The following VSTM5 variants were observed in gnomAD, a reference collection of about 807,000 sequenced individuals.
VSTM5 encodes the protein V-set and transmembrane domain-containing protein 5.
A neutral mutation model predicts 20.3 loss-of-function variants in VSTM5; 21 were observed. The ratio of observed to expected loss-of-function variants is 1.03; its 90% CI spans 0.73 to 1.49. VSTM5 has a LOEUF of 1.49. VSTM5 is among the 40% of genes most tolerant of loss of function. The pLI, the probability that VSTM5 is intolerant of heterozygous loss-of-function variation, is 0.00. For missense variants in VSTM5, 219 were observed against 250.0 expected, an observed-to-expected ratio of 0.88 and a Z score of 0.84; for synonymous variants, 100 against 102.5, an observed-to-expected ratio of 0.98 and a Z score of 0.14.
Position 93,820,333 on chromosome 11 carries a change from G to A in VSTM5, c.*236C>T, listed in dbSNP as rs1296838348. 1.9e-6 allele frequency: 1 copy of A among 540,064 alleles called. No homozygotes were observed. Among genetic ancestry groups the A allele is most frequent in the African/African-American group, 1.9e-5 (1 of 52,478 alleles). 33.5% of individuals were successfully genotyped at this position (540,064 alleles called of 1,614,324 possible). A position where few individuals can be genotyped will look rare whatever the true frequency, so the allele number is the denominator to read the frequency against. Reference sequence around the variant, plus strand: ...GGCCCTGATGCTGCAGCCAAGCGAAGCTCCTGGTTCAAAGCCTCAATCACT... The same window carrying A: ...GGCCCTGATGCTGCAGCCAAGCGAAACTCCTGGTTCAAAGCCTCAATCACT... On this transcript the variant is annotated 3_prime_UTR_variant, in exon 4 of 4. Transcript: ENST00000409977.
chr11:93,848,866 T>A (rs1352013331), intron 1 of VSTM5, among the ~76,000 whole-genome samples: 2 of 152,100 alleles, frequency 1.3e-5, no homozygotes, highest in African/African-American at 4.8e-5. Context: ...TGAACAGATG[T>A]GTAAGTATGG....
intron 1 of VSTM5, among the ~76,000 whole-genome samples, chr11:93,846,924 G>A (rs1944416745): frequency 2.0e-5 from 3 of 151,606 alleles, no homozygotes; most frequent in Admixed American, 1.3e-4. Flanking sequence ...CTGCCACCAC[G>A]CCCGGCTAAT....
Position 93,820,505 on chromosome 11 carries a change from C to T in VSTM5, c.*64G>A, listed in dbSNP as rs1944171186. 7.8e-6 allele frequency: 12 copies of T among 1,532,290 alleles called. No individual in the cohort carries two copies. In the South Asian group the frequency reaches 1.4e-4, roughly 18 times the overall value. 94.9% of individuals were successfully genotyped at this position (1,532,290 alleles called of 1,614,324 possible). On this transcript the variant is annotated 3_prime_UTR_variant, in exon 4 of 4. Transcript: ENST00000409977. ...ACACACAATGGGTATAATAGCTGTG[C>T]TTGCTCTTTTTGTTGGAGAATGGTT... is the stretch of plus-strand genomic sequence containing the variant.
At chr11:93,840,219 T>C (rs1172329604) in intron 1 of VSTM5, among the ~76,000 whole-genome samples, 2 of 152,256 alleles carry the variant, frequency 1.3e-5, no homozygotes, top group African/African-American at 4.8e-5. Context: ...AGTTTTCTGA[T>C]TGAAAAGGAC....
At chr11:93,825,590 T>C (rs886367384) in intron 1 of VSTM5, among the ~76,000 whole-genome samples, 3 of 152,198 alleles carry the variant, frequency 2.0e-5, no homozygotes, top group Non-Finnish European at 4.4e-5. Context: ...TCCACGAACA[T>C]AGGGTATCTT....
At chr11:93,844,747 C>T (rs531267571) in intron 1 of VSTM5, among the ~76,000 whole-genome samples, 4 of 152,310 alleles carry the variant, frequency 2.6e-5, no homozygotes, top group Admixed American at 6.5e-5. Context: ...CATTCCAAAC[C>T]GAGCTAACTG....
Position 93,850,524 on chromosome 11 carries a change from G to A in VSTM5, c.-22C>T. The A allele has an allele frequency of 1.3e-6, 2 of 1,541,044 alleles. No individual in the cohort carries two copies. The highest frequency in any genetic ancestry group is 1.8e-6 in the Non-Finnish European group (2 of 1,140,576). On this transcript the variant is annotated 5_prime_UTR_variant, in exon 1 of 4. Coordinates refer to ENST00000409977, the MANE Select transcript of VSTM5 (RefSeq NM_001144871.2). Reference sequence around the variant, plus strand: ...TCATGGGCGAGCCCGGGGCCTCGCGGGCCGGGGTGTGTGCTGGCCGCACCG... The same window carrying A: ...TCATGGGCGAGCCCGGGGCCTCGCGAGCCGGGGTGTGTGCTGGCCGCACCG...
At chr11:93,838,883 T>A (rs766789290) in intron 1 of VSTM5, among the ~76,000 whole-genome samples, 1 of 152,214 alleles carries the variant, frequency 6.6e-6, no homozygotes, top group Non-Finnish European at 1.5e-5. Context: ...CAAGCCCTGA[T>A]TCCAGACCAA....
At chr11:93,829,443 G>A (rs1249782887) in intron 1 of VSTM5, among the ~76,000 whole-genome samples, 4 of 152,158 alleles carry the variant, frequency 2.6e-5, no homozygotes, top group South Asian at 2.1e-4. Context: ...CACGAGAATC[G>A]CTTGAACCTG....
At chr11:93,827,618 G>A (rs1944249630) in intron 1 of VSTM5, 1 of 152,016 alleles carries the variant, frequency 6.6e-6, no homozygotes, top group Admixed American at 6.6e-5. Flanking sequence ...TTATAAAATG[G>A]ATGGGCTGGT....
rs1425207746 is a variant in VSTM5 at position 93,820,616 on chromosome 11, TAAAGC to T, written c.560-9_560-5del. Reference sequence around the variant, plus strand: ...TCAATCTCCTCAGTTGTGCTTTCTGTAAAGCAAAGACAAGTCAATGAGTTGGAAAT... The same window carrying T: ...TCAATCTCCTCAGTTGTGCTTTCTGTAAAGACAAGTCAATGAGTTGGAAAT... On this transcript the variant is annotated splice_polypyrimidine_tract_variant and splice_region_variant and intron_variant, in intron 3 of 3. Coordinates refer to ENST00000409977, the MANE Select transcript of VSTM5 (RefSeq NM_001144871.2). 2 of 1,551,702 alleles carry T rather than the reference TAAAGC, an allele frequency of 1.3e-6. No homozygotes were observed. Among genetic ancestry groups the T allele is most frequent in the East Asian group, 4.9e-5 (2 of 40,938 alleles).
At chr11:93,830,836 C>T in intron 1 of VSTM5, among the ~76,000 whole-genome samples, 1 of 151,862 alleles carries the variant, frequency 6.6e-6, no homozygotes, top group Non-Finnish European at 1.5e-5. Flanking sequence ...TCACTGCAAC[C>T]TCTGCGTCCT....
chr11:93,840,763 C>T (rs1012647106), intron 1 of VSTM5, among the ~76,000 whole-genome samples: 3 of 152,082 alleles, frequency 2.0e-5, no homozygotes, highest in Non-Finnish European at 4.4e-5. Flanking sequence ...AGGGCCCGGT[C>T]CCCAGTTTCT....
chr11:93,837,847 A>G (rs1944336483), intron 1 of VSTM5, among the ~76,000 whole-genome samples: 1 of 152,220 alleles, frequency 6.6e-6, no homozygotes, highest in Non-Finnish European at 1.5e-5. Flanking sequence ...CCATAAAAAA[A>G]GGAATTTTTA....
chr11:93,848,875 G>T (rs1218044485), intron 1 of VSTM5, among the ~76,000 whole-genome samples: 1 of 152,148 alleles, frequency 6.6e-6, no homozygotes, highest in African/African-American at 2.4e-5. Flanking sequence ...GTGTAAGTAT[G>T]GTGATTAGAA....
At chr11:93,831,322 G>A (rs541625182) in intron 1 of VSTM5, among the ~76,000 whole-genome samples, 2 of 152,258 alleles carry the variant, frequency 1.3e-5, no homozygotes, top group Admixed American at 1.3e-4. Flanking sequence ...ACAGTTTTAA[G>A]CCACAACTAA....
intron 1 of VSTM5, among the ~76,000 whole-genome samples, chr11:93,843,104 G>A (rs1218250821): frequency 6.6e-6 from 1 of 151,726 alleles, no homozygotes; most frequent in African/African-American, 2.4e-5. Flanking sequence ...AAAAAAAAGA[G>A]AATTCAGGCA....
intron 1 of VSTM5, among the ~76,000 whole-genome samples, chr11:93,848,355 G>C (rs574800038): frequency 6.6e-6 from 1 of 152,208 alleles, no homozygotes; most frequent in Non-Finnish European, 1.5e-5. Context: ...GCAGGCCCTG[G>C]CTAGCACTGG....
chr11:93,824,720 G>A (rs1944218767), intron 1 of VSTM5, among the ~76,000 whole-genome samples: 2 of 152,134 alleles, frequency 1.3e-5, no homozygotes, highest in Non-Finnish European at 2.9e-5. Context: ...TGTTTTGGGT[G>A]TCATCCAAAA....
Sources: allele counts gnomAD v4.1 joint callset (sites outside exome capture counted in the v4.1 genomes callset), GRCh38; gene constraint gnomAD v4.1.1; transcripts MANE v1.5; gene names NCBI Gene and HGNC (gene_info 2026-07-23, HGNC 2026-07-21).